The following OPCML variants were observed in gnomAD, a reference collection of about 807,000 sequenced individuals.
OPCML encodes opioid binding protein/cell adhesion molecule like, also known as opioid-binding protein/cell adhesion molecule.
OPCML carries 13 observed loss-of-function variants against 37.8 expected under a neutral mutation model. The observed-to-expected ratio is 0.34, with a 90% CI of 0.22 to 0.55. The LOEUF is 0.55. OPCML is among the 20% of genes least tolerant of loss of function. The pLI, the probability that OPCML is intolerant of heterozygous loss-of-function variation, is 0.91. For missense variants in OPCML, 341 were observed against 435.6 expected, an observed-to-expected ratio of 0.78 and a Z score of 1.93; for synonymous variants, 176 against 168.8, an observed-to-expected ratio of 1.04 and a Z score of -0.33.
At chr11:133,319,037 A>T (rs1428267200) in intron 1 of OPCML, among the ~76,000 whole-genome samples, 1 of 152,148 alleles carries the variant, frequency 6.6e-6, no homozygotes, top group Non-Finnish European at 1.5e-5. Flanking sequence ...AAAAAATAAA[A>T]ATAAAATAAA....
intron 4 of OPCML, among the ~76,000 whole-genome samples, chr11:132,503,340 C>T (rs1204526493): frequency 6.6e-6 from 1 of 152,110 alleles, no homozygotes; most frequent in African/African-American, 2.4e-5. Context: ...AACTGAAATT[C>T]ACAGCAGTCA....
chr11:133,531,115 G>T (rs779891143), intron 1 of OPCML, among the ~76,000 whole-genome samples: 3 of 152,184 alleles, frequency 2.0e-5, no homozygotes, highest in South Asian at 4.1e-4. Flanking sequence ...CTGACTGTGC[G>T]ACGGTTTGGT....
In OPCML at chr11:133,083,124, C is replaced by G. The variant is rs555477276; in HGVS notation, c.62-140114G>C. Among the ~76,000 whole-genome samples, 21 of 152,092 alleles carry G rather than the reference C, an allele frequency of 1.4e-4. No homozygotes were observed. In the South Asian group the frequency reaches 4.3e-3, roughly 32 times the overall value. ...CCGTGTGCGCACCACACTCACATCACACACACCACGCACACACACGCACAC... is the reference window on the plus strand; with the variant it reads ...CCGTGTGCGCACCACACTCACATCAGACACACCACGCACACACACGCACAC... On this transcript the variant is annotated intron_variant, in intron 1 of 7. Coordinates refer to ENST00000524381, the MANE Select transcript of OPCML (RefSeq NM_001012393.5).
chr11:133,097,581 C>G (rs1279042413), intron 1 of OPCML, among the ~76,000 whole-genome samples: 1 of 152,066 alleles, frequency 6.6e-6, no homozygotes, highest in African/African-American at 2.4e-5. Flanking sequence ...AAACCAAAAA[C>G]TGGTTCTACG....
intron 1 of OPCML, among the ~76,000 whole-genome samples, chr11:133,063,630 T>C (rs866621566): frequency 2.6e-5 from 4 of 152,024 alleles, no homozygotes. Flanking sequence ...GGCTTGATCT[T>C]GGCTCACTAC....
At chr11:133,176,025 A>C (rs1592075038) in intron 1 of OPCML, among the ~76,000 whole-genome samples, 1 of 152,308 alleles carries the variant, frequency 6.6e-6, no homozygotes, top group African/African-American at 2.4e-5. Flanking sequence ...GAAAATATAC[A>C]TCTCCTGGGC....
At chr11:133,083,109 A>T (rs1401359094) in intron 1 of OPCML, among the ~76,000 whole-genome samples, 2 of 152,006 alleles carry the variant, frequency 1.3e-5, no homozygotes, top group Non-Finnish European at 2.9e-5. Context: ...CCGTGTGCGC[A>T]CCACACTCAC....
At chr11:132,681,213 A>G (rs938660303) in intron 2 of OPCML, among the ~76,000 whole-genome samples, 1 of 152,110 alleles carries the variant, frequency 6.6e-6, no homozygotes, top group Non-Finnish European at 1.5e-5. Context: ...CAAGGGCCCC[A>G]CCCTCAAGCC....
At chr11:133,100,068 A>C (rs990584139) in intron 1 of OPCML, among the ~76,000 whole-genome samples, 1 of 152,198 alleles carries the variant, frequency 6.6e-6, no homozygotes, top group Non-Finnish European at 1.5e-5. Context: ...TTAATGCAAA[A>C]CCAGAAAACC....
intron 1 of OPCML, among the ~76,000 whole-genome samples, chr11:133,531,699 T>C: frequency 7.0e-6 from 1 of 143,760 alleles, no homozygotes; most frequent in Non-Finnish European, 1.5e-5. Flanking sequence ...GGGAGAGCAG[T>C]TCCGAAGGAA....
chr11:132,622,830 T>C (rs2137928427), intron 3 of OPCML, among the ~76,000 whole-genome samples: 1 of 152,306 alleles, frequency 6.6e-6, no homozygotes, highest in South Asian at 2.1e-4. Flanking sequence ...TGCACTAGTA[T>C]TGGGGAAGCA....
intron 1 of OPCML, among the ~76,000 whole-genome samples, chr11:133,239,223 G>A (rs1053593811): frequency 1.3e-5 from 2 of 152,224 alleles, no homozygotes; most frequent in African/African-American, 4.8e-5. Context: ...CCAAGTACTC[G>A]GTCAGATGTC....
At chr11:132,517,741 T>C (rs1198564711) in intron 4 of OPCML, among the ~76,000 whole-genome samples, 1 of 152,206 alleles carries the variant, frequency 6.6e-6, no homozygotes, top group Non-Finnish European at 1.5e-5. Context: ...ACTTTTGAGT[T>C]AGTTGGGCTT....
intron 2 of OPCML, among the ~76,000 whole-genome samples, chr11:132,743,246 A>T (rs984052846): frequency 6.6e-6 from 1 of 152,090 alleles, no homozygotes; most frequent in South Asian, 2.1e-4. Flanking sequence ...TCATTATTCA[A>T]CCATACAGAA....
intron 7 of OPCML, among the ~76,000 whole-genome samples, chr11:132,428,523 A>G (rs1244774737): frequency 6.6e-6 from 1 of 152,226 alleles, no homozygotes; most frequent in African/African-American, 2.4e-5. Flanking sequence ...AATGCTTTAC[A>G]TATGGGGCAT....
At chr11:132,951,368 A>G (rs947244397) in intron 1 of OPCML, among the ~76,000 whole-genome samples, 9 of 152,110 alleles carry the variant, frequency 5.9e-5, no homozygotes, top group African/African-American at 2.2e-4. Flanking sequence ...TGAGACAGCT[A>G]CCTTCTCGCT....
chr11:132,977,800 C>A (rs1286376030), intron 1 of OPCML, among the ~76,000 whole-genome samples: 1 of 152,190 alleles, frequency 6.6e-6, no homozygotes, highest in Non-Finnish European at 1.5e-5. Flanking sequence ...TGGCTCTACA[C>A]TGCTTAATGC....
At chr11:133,490,699 C>A (rs1178327333) in intron 1 of OPCML, among the ~76,000 whole-genome samples, 6 of 152,094 alleles carry the variant, frequency 3.9e-5, no homozygotes, top group African/African-American at 1.2e-4. Flanking sequence ...CCATGGCAGT[C>A]TCTCCTCCTT....
At chr11:133,020,967 C>G (rs1347735301) in intron 1 of OPCML, among the ~76,000 whole-genome samples, 1 of 152,116 alleles carries the variant, frequency 6.6e-6, no homozygotes, top group Non-Finnish European at 1.5e-5. Flanking sequence ...TTTAACTGAT[C>G]AATGCATATG....
Sources: gnomAD v4.1 joint callset for allele counts (sites outside exome capture counted in the v4.1 genomes callset) on GRCh38, gnomAD v4.1.1 for gene constraint, MANE v1.5 for transcripts, NCBI Gene and HGNC (gene_info 2026-07-23, HGNC 2026-07-21) for gene names.